The following ZNF536 variants were observed in gnomAD, a reference collection of about 807,000 sequenced individuals.
ZNF536 encodes zinc finger protein 536.
A neutral mutation model predicts 84.5 loss-of-function variants in ZNF536; 13 were observed. That is an observed-to-expected ratio of 0.15 (90% CI 0.10 to 0.24). The LOEUF (loss-of-function observed/expected upper bound fraction) is 0.24, where lower values mean the gene tolerates loss of function less well. Ranked by LOEUF, ZNF536 falls within the 10% of genes least tolerant of loss-of-function variation. The pLI is 1.00. For missense variants in ZNF536, 1,536 were observed against 1,747.5 expected, an observed-to-expected ratio of 0.88 and a Z score of 2.16; for synonymous variants, 811 against 742.5, an observed-to-expected ratio of 1.09 and a Z score of -1.50.
intron 1 of ZNF536, among the ~76,000 whole-genome samples, chr19:30,582,090 A>G (rs1044564067): frequency 6.6e-6 from 1 of 152,196 alleles, no homozygotes; most frequent in African/African-American, 2.4e-5. Context: ...GAGGTGAGGC[A>G]GCTTTTGGCC....
Position 30,505,065 on chromosome 19 carries a change from C to G in ZNF536, c.2171-29782C>G, listed in dbSNP as rs1040190790. On this transcript the variant is annotated intron_variant, in intron 2 of 4. Coordinates refer to ENST00000355537, the MANE Select transcript of ZNF536 (RefSeq NM_014717.3). ...GTATTGTATATAAGGTTGGGAGAAA[C>G]CAGACACTCTTAGTCCGCCCAGTAG... Among the ~76,000 whole-genome samples the G allele has an allele frequency of 2.6e-5, 4 of 152,056 alleles. No homozygotes were observed. In the East Asian group the frequency reaches 5.8e-4, roughly 22 times the overall value.
At chr19:30,706,116 G>T (rs947660061) in intron 1 of ZNF536, among the ~76,000 whole-genome samples, 1 of 152,202 alleles carries the variant, frequency 6.6e-6, no homozygotes, top group Non-Finnish European at 1.5e-5. Context: ...AGTATCATTT[G>T]TAGGGAGGGT....
At chr19:30,713,351 C>T (rs766023453) in exon 2 of ZNF536, 1 of 151,602 alleles carries the variant, frequency 6.6e-6, no homozygotes, top group Admixed American at 6.6e-5. Flanking sequence ...TACATTCCTA[C>T]GCAAAGAAAA....
intron 1 of ZNF536, among the ~76,000 whole-genome samples, chr19:30,611,700 T>G (rs953439684): frequency 2.0e-5 from 3 of 152,202 alleles, no homozygotes; most frequent in African/African-American, 4.8e-5. Context: ...TTGGAGTCAT[T>G]GATCCACTGA....
At chr19:30,424,037 C>T (rs10412051) in intron 1 of ZNF536, among the ~76,000 whole-genome samples, 67,214 of 152,010 alleles carry the variant, frequency 0.44, 15,910 homozygotes, top group Non-Finnish European at 0.54. Context: ...CTGGGCTGGC[C>T]CTGCTTGCTG....
intron 1 of ZNF536, among the ~76,000 whole-genome samples, chr19:30,415,580 A>T (rs577641799): frequency 1.5e-5 from 2 of 134,532 alleles, no homozygotes; most frequent in East Asian, 5.7e-4. Context: ...CATCATGATC[A>T]TCATCATCGT....
intron 2 of ZNF536, among the ~76,000 whole-genome samples, chr19:30,340,781 T>G (rs1057305347): frequency 1.1e-4 from 17 of 152,266 alleles, no homozygotes; most frequent in African/African-American, 3.4e-4. Context: ...TGCATTGAGG[T>G]TGCAGGTATA....
intron 2 of ZNF536, among the ~76,000 whole-genome samples, chr19:30,461,708 C>T (rs779777620): frequency 9.2e-5 from 14 of 152,232 alleles, no homozygotes; most frequent in Admixed American, 3.9e-4. Context: ...CCCGGCTCTC[C>T]GCCTGTGTGA....
chr19:30,693,193 C>A (rs2051491359), intron 1 of ZNF536, among the ~76,000 whole-genome samples: 1 of 152,194 alleles, frequency 6.6e-6, no homozygotes, highest in Non-Finnish European at 1.5e-5. Flanking sequence ...TCGCATGGGA[C>A]AAAGGGATAC....
upstream of ZNF536, among the ~76,000 whole-genome samples, chr19:30,227,624 G>T (rs1038425644): frequency 6.6e-6 from 1 of 152,006 alleles, no homozygotes; most frequent in South Asian, 2.1e-4. Context: ...GGGCTGGGTC[G>T]TGTGCGCGGG....
At chr19:30,687,862 A>C (rs892037692) in intron 1 of ZNF536, among the ~76,000 whole-genome samples, 12 of 152,136 alleles carry the variant, frequency 7.9e-5, no homozygotes, top group African/African-American at 2.9e-4. Flanking sequence ...TTTTATTTGC[A>C]TGATTCTTGA....
chr19:30,241,136 A>T (rs2144862105), intron 1 of ZNF536, among the ~76,000 whole-genome samples: 1 of 152,122 alleles, frequency 6.6e-6, no homozygotes, highest in African/African-American at 2.4e-5. Flanking sequence ...TGGGCAGCAT[A>T]GTGAGACCCC....
rs1006138188 is a variant in ZNF536, at chr19:30,548,182, G to A, written c.2563G>A (p.Ala855Thr). ...LPGIDFRGGP[A>T]SQQWTSGVLS... The stretch of plus-strand genomic sequence containing the variant: ...TGGAATCGACTTCAGAGGAGGCCCT[G>A]CATCTCAGCAGTGGACATCAGGGGT... The change falls in exon 4 of 5, where the codon GCA becomes ACA. Residue 855 changes from alanine (A) to threonine (T), a missense_variant. Physicochemically the swap from Ala to Thr is moderately conservative, Grantham distance 58. Transcript: ENST00000355537. 6 of 1,614,056 alleles carry A rather than the reference G, an allele frequency of 3.7e-6. No homozygotes were observed. The highest frequency in any genetic ancestry group is 2.7e-5 in the African/African-American group (2 of 74,936).
intron 1 of ZNF536, among the ~76,000 whole-genome samples, chr19:30,435,958 G>A (rs963830124): frequency 1.3e-5 from 2 of 152,140 alleles, no homozygotes; most frequent in Admixed American, 1.3e-4. Flanking sequence ...AACCAAAAAT[G>A]GTCACGTCTT....
At chr19:30,373,519 T>C (rs970875472) in intron 1 of ZNF536, among the ~76,000 whole-genome samples, 1 of 152,168 alleles carries the variant, frequency 6.6e-6, no homozygotes, top group African/African-American at 2.4e-5. Flanking sequence ...GTTGGTATCT[T>C]TTAGAATGTG....
intron 1 of ZNF536, among the ~76,000 whole-genome samples, chr19:30,650,278 C>G (rs2049650347): frequency 6.6e-6 from 1 of 152,086 alleles, no homozygotes; most frequent in Admixed American, 6.5e-5. Context: ...TGGTGAGAGC[C>G]CTGACCCCGT....
exon 2 of ZNF536, chr19:30,711,422 T>C (rs770227894): frequency 6.6e-6 from 1 of 152,292 alleles, no homozygotes; most frequent in East Asian, 1.9e-4. Flanking sequence ...TGAAAACACC[T>C]CTATAATCTG....
chr19:30,504,305 T>TCCTC (rs1427567578), intron 2 of ZNF536, among the ~76,000 whole-genome samples: 37 of 134,880 alleles, frequency 2.7e-4, no homozygotes, highest in Non-Finnish European at 5.4e-4. Flanking sequence ...CTTCCTTCCT[T>TCCTC]CCTCCCTCCC....
At chr19:30,298,894 A>G (rs2046090669) in intron 2 of ZNF536, among the ~76,000 whole-genome samples, 1 of 152,178 alleles carries the variant, frequency 6.6e-6, no homozygotes, top group East Asian at 1.9e-4. Flanking sequence ...CTGTTTTCTT[A>G]CCCGTAAGAG....
Sources: allele counts gnomAD v4.1 joint callset (sites outside exome capture counted in the v4.1 genomes callset), GRCh38; gene constraint gnomAD v4.1.1; transcripts MANE v1.5; gene names NCBI Gene and HGNC (gene_info 2026-07-23, HGNC 2026-07-21).